The following DISC1 variants were observed in gnomAD, a reference collection of about 807,000 sequenced individuals.
The protein encoded by DISC1 is disrupted in schizophrenia 1 protein.
DISC1 carries 57 observed loss-of-function variants against 84.5 expected under a neutral mutation model. That is an observed-to-expected ratio of 0.67 (90% CI 0.55 to 0.84). The LOEUF is 0.84. Ranked by LOEUF, DISC1 falls within the 40% of genes least tolerant of loss-of-function variation. The pLI is 0.00. For missense variants in DISC1, 1,000 were observed against 1,057.8 expected (o/e 0.95, Z 0.76); for synonymous variants, 411 against 415.2 (o/e 0.99, Z 0.12).
chr1:231,702,197 G>C (rs1573009024), intron 3 of DISC1, 173 bp downstream of exon 3: 2 of 1,368,016 alleles, frequency 1.5e-6, no homozygotes, highest in South Asian at 1.7e-5. Flanking sequence ...AGATTTCAAA[G>C]TACTTCATGA....
chr1:231,681,698 T>A (rs2063710145), intron 1 of DISC1, among the ~76,000 whole-genome samples: 1 of 152,000 alleles, frequency 6.6e-6, no homozygotes, highest in Admixed American at 6.6e-5. Flanking sequence ...GGCATAGACA[T>A]TTATTTTTTT....
intron 11 of DISC1, among the ~76,000 whole-genome samples, chr1:232,017,819 A>C (rs948290624): frequency 2.6e-5 from 4 of 152,202 alleles, no homozygotes; most frequent in African/African-American, 9.6e-5. Context: ...TTAATCTTAG[A>C]ATCCTAGCAG....
chr1:231,763,994 G>A (rs966930592), intron 4 of DISC1, among the ~76,000 whole-genome samples: 5 of 152,158 alleles, frequency 3.3e-5, no homozygotes, highest in East Asian at 1.9e-4. Flanking sequence ...TAAGAAATGC[G>A]GAGGCAGTGC....
chr1:231,921,289 C>T (rs2089994333), intron 9 of DISC1, among the ~76,000 whole-genome samples: 1 of 152,174 alleles, frequency 6.6e-6, no homozygotes, highest in African/African-American at 2.4e-5. Context: ...ATGCAACTTA[C>T]ATATGACTTC....
chr1:231,904,712 T>C (rs546487850), intron 9 of DISC1, among the ~76,000 whole-genome samples: 134 of 152,098 alleles, frequency 8.8e-4, no homozygotes, highest in Middle Eastern at 3.4e-3. Flanking sequence ...TAAATACTCA[T>C]TTCCACTAAG....
At chr1:231,795,431 A>G in intron 7 of DISC1, 135 bp downstream of exon 7, 1 of 745,482 alleles carries the variant, frequency 1.3e-6, no homozygotes, top group South Asian at 1.6e-5. Flanking sequence ...TTGCAGGCCC[A>G]ATGATGAGTT....
chr1:232,032,805 G>A (rs1464142340), intron 12 of DISC1, among the ~76,000 whole-genome samples: 3 of 152,068 alleles, frequency 2.0e-5, no homozygotes, highest in Non-Finnish European at 2.9e-5. Flanking sequence ...ATTTCTATTT[G>A]CCTAAAATTC....
At chr1:231,903,281 A>C (rs976021888) in intron 9 of DISC1, among the ~76,000 whole-genome samples, 2 of 152,114 alleles carry the variant, frequency 1.3e-5, no homozygotes, top group Non-Finnish European at 2.9e-5. Context: ...CCCCTAATCC[A>C]GTATGACCTC....
chr1:231,836,869 C>T (rs1169474516), intron 9 of DISC1, among the ~76,000 whole-genome samples: 1 of 151,088 alleles, frequency 6.6e-6, no homozygotes, highest in African/African-American at 2.4e-5. Context: ...TTCCTGTACA[C>T]ACATCCTCTG....
At position 231,897,925 on chromosome 1, in the gene DISC1, C is replaced by T. The variant is rs1486051697; in HGVS notation, c.1982-60903C>T. On this transcript the variant is annotated intron_variant, in intron 9 of 12. Transcript: ENST00000439617. This position sits in a 1 kb window ranked among gnomAD's most constrained non-coding sequence, Gnocchi z 4.5. ...TTCCTGGGGCAGGGGAGAGGTGGCC[C>T]TCGATTAAATATATACGAGCAAGTA... is the stretch of plus-strand genomic sequence containing the variant. 6.6e-6 allele frequency among the ~76,000 whole-genome samples: 1 copy of T among 152,092 alleles called. No homozygotes were observed. Among genetic ancestry groups the T allele is most frequent in the African/African-American group, 2.4e-5 (1 of 41,384 alleles).
chr1:231,721,054 A>C (rs758236831), intron 3 of DISC1: 8 of 1,290,978 alleles, frequency 6.2e-6, no homozygotes, highest in Non-Finnish European at 8.1e-6. Context: ...AACTTTTCCC[A>C]GCTTTTTTCC....
chr1:231,658,521 T>C (rs1480936522), intron 1 of DISC1, among the ~76,000 whole-genome samples: 1 of 152,188 alleles, frequency 6.6e-6, no homozygotes, highest in Non-Finnish European at 1.5e-5. Flanking sequence ...CTATGTTGAA[T>C]AGGAGTGGCG....
intron 1 of DISC1, among the ~76,000 whole-genome samples, chr1:231,634,728 A>G (rs1433596): frequency 0.062 from 9,466 of 152,216 alleles, 329 homozygotes; most frequent in Middle Eastern, 0.088. Flanking sequence ...TACACAGTAC[A>G]GTGTTGTACA....
At chr1:231,796,807 C>T (rs1433688175) in intron 7 of DISC1, among the ~76,000 whole-genome samples, 4 of 152,116 alleles carry the variant, frequency 2.6e-5, no homozygotes, top group African/African-American at 7.2e-5. Context: ...CTTGATCTCC[C>T]GGGCTCAGGT....
chr1:231,632,061 C>T (rs1222148458), intron 1 of DISC1, among the ~76,000 whole-genome samples: 1 of 152,144 alleles, frequency 6.6e-6, no homozygotes, highest in Non-Finnish European at 1.5e-5. Context: ...AAAGTACTTA[C>T]CATTGTGTTA....
chr1:231,670,688 C>G (rs1322965860), intron 1 of DISC1: 1 of 152,156 alleles, frequency 6.6e-6, no homozygotes, highest in Admixed American at 6.5e-5. Context: ...CGAAAGATTC[C>G]CATGAAGAGG....
chr1:232,010,425 A>T (rs1667920956), intron 11 of DISC1, among the ~76,000 whole-genome samples: 1 of 152,112 alleles, frequency 6.6e-6, no homozygotes. Context: ...AGCTACCAGG[A>T]GGAGCTCGGT....
chr1:231,712,794 TG>T (rs1235651017), intron 3 of DISC1, among the ~76,000 whole-genome samples: 1 of 152,202 alleles, frequency 6.6e-6, no homozygotes, highest in Non-Finnish European at 1.5e-5. Flanking sequence ...TGCTTGCAAA[TG>T]CTCAAAGTGA....
chr1:231,753,617 G>A (rs2125343434), intron 4 of DISC1, among the ~76,000 whole-genome samples: 1 of 152,338 alleles, frequency 6.6e-6, no homozygotes, highest in East Asian at 1.9e-4. Flanking sequence ...TTGGCTATTA[G>A]CACTCAGCTC....
Sources: allele counts gnomAD v4.1 joint callset (sites outside exome capture counted in the v4.1 genomes callset), GRCh38; gene constraint gnomAD v4.1.1; non-coding constraint Gnocchi (gnomAD v3.1); transcripts MANE v1.5; gene names NCBI Gene and HGNC (gene_info 2026-07-23, HGNC 2026-07-21).